Variants in CTNND2 observed in about 807,000 individuals in gnomAD.
CTNND2 encodes the protein catenin delta 2, also known as catenin delta-2.
In CTNND2, 22 loss-of-function variants were observed where a neutral mutation model predicts 144.4. The ratio of observed to expected loss-of-function variants is 0.15; its 90% confidence interval spans 0.11 to 0.22. The LOEUF (loss-of-function observed/expected upper bound fraction) is 0.22. CTNND2 is among the 10% of genes least tolerant of loss of function. The pLI is 1.00. For synonymous variants in CTNND2, 751 were observed against 695.6 expected, an observed-to-expected ratio of 1.08 and a Z score of -1.25; for missense variants, 1,353 against 1,618.8, an observed-to-expected ratio of 0.84 and a Z score of 2.82.
chr5:11,221,479 A>C (rs1428798662), intron 10 of CTNND2, among the ~76,000 whole-genome samples: 1 of 152,266 alleles, frequency 6.6e-6, no homozygotes, highest in Admixed American at 6.5e-5. Flanking sequence ...AAGAGTGATC[A>C]GAGGCTCAAA....
At chr5:11,091,355 T>C (rs1750751397) in intron 15 of CTNND2, among the ~76,000 whole-genome samples, 1 of 152,374 alleles carries the variant, frequency 6.6e-6, no homozygotes, top group East Asian at 1.9e-4. Flanking sequence ...TTTTATACAT[T>C]TTCCATGTGT....
chr5:11,232,352 T>C lies in CTNND2; in HGVS notation c.1761+4339A>G, dbSNP rs555062068. ...GCTGCAGACACTCAACATCAGACTG[T>C]GAAAGCAGCTGGGAGTGGGGCTGTA... is the stretch of plus-strand genomic sequence containing the variant. On this transcript the variant is annotated intron_variant, in intron 10 of 21. Transcript: ENST00000304623. Among the ~76,000 whole-genome samples, 5 of 152,198 alleles carry C rather than the reference T, an allele frequency of 3.3e-5. No individual in the cohort carries two copies. The East Asian group carries it at 7.7e-4, about 24-fold the overall frequency.
chr5:11,870,836 C>T (rs1186186173), intron 1 of CTNND2, among the ~76,000 whole-genome samples: 1 of 152,186 alleles, frequency 6.6e-6, no homozygotes, highest in Non-Finnish European at 1.5e-5. Context: ...TTATTACCTA[C>T]TGATAAGACA....
chr5:11,132,881 C>A (rs1352785377), intron 12 of CTNND2, among the ~76,000 whole-genome samples: 1 of 152,222 alleles, frequency 6.6e-6, no homozygotes, highest in Admixed American at 6.5e-5. Flanking sequence ...TCTCTGCTAA[C>A]TGCTATCTCA....
At chr5:11,182,036 TGGTGTGTGTGG>T (rs1322599409) in intron 11 of CTNND2, among the ~76,000 whole-genome samples, 26 of 122,960 alleles carry the variant, frequency 2.1e-4, no homozygotes, top group Non-Finnish European at 3.9e-4. Flanking sequence ...GATGTATGTG[TGGTGTGTGTGG>T]GGTGTGTGTG....
intron 9 of CTNND2, among the ~76,000 whole-genome samples, chr5:11,273,443 C>T (rs13158633): frequency 0.074 from 11,234 of 152,174 alleles, 574 homozygotes; most frequent in South Asian, 0.14. Flanking sequence ...AGAAGTGTCT[C>T]GCTGAAGAGC....
intron 2 of CTNND2, among the ~76,000 whole-genome samples, chr5:11,721,949 A>G (rs921019826): frequency 1.3e-5 from 2 of 152,218 alleles, no homozygotes; most frequent in Non-Finnish European, 2.9e-5. Flanking sequence ...GATGGGAGAC[A>G]TAGGAAATTG....
At chr5:11,445,268 A>C (rs1267290147) in intron 3 of CTNND2, among the ~76,000 whole-genome samples, 1 of 152,090 alleles carries the variant, frequency 6.6e-6, no homozygotes, top group Non-Finnish European at 1.5e-5. Flanking sequence ...CTGTGTGTCC[A>C]GGTGTCCAGA....
chr5:11,690,396 C>T (rs74608523), intron 2 of CTNND2, among the ~76,000 whole-genome samples: 1 of 152,094 alleles, frequency 6.6e-6, no homozygotes, highest in African/African-American at 2.4e-5. Context: ...AGTAACACAG[C>T]GAAGTGAAGC....
chr5:11,484,220 A>G (rs1768580336), intron 3 of CTNND2, among the ~76,000 whole-genome samples: 1 of 152,222 alleles, frequency 6.6e-6, no homozygotes, highest in African/African-American at 2.4e-5. Flanking sequence ...TCAACGATCT[A>G]GCCGAGTGTT....
intron 3 of CTNND2, among the ~76,000 whole-genome samples, chr5:11,465,979 C>T (rs1048995589): frequency 6.6e-6 from 1 of 152,108 alleles, no homozygotes; most frequent in Non-Finnish European, 1.5e-5. Context: ...AAACGAACTT[C>T]ATGAAATTTT....
rs75188032 is a variant in CTNND2, at chr5:11,152,431, T to C, written c.2159+7145A>G. Among the ~76,000 whole-genome samples, 56 of 152,356 alleles carry C rather than the reference T, an allele frequency of 3.7e-4. 1 individual carries two copies. The East Asian group carries it at 9.1e-3, about 25-fold the overall frequency. Reference sequence around the variant, plus strand: ...TAACCTAGGAGCAATAGACATATCATACAGCCTAGGCTGTGTCATAAGCTA... The same window carrying C: ...TAACCTAGGAGCAATAGACATATCACACAGCCTAGGCTGTGTCATAAGCTA... On this transcript the variant is annotated intron_variant, in intron 12 of 21. Coordinates refer to ENST00000304623, the MANE Select transcript of CTNND2 (RefSeq NM_001332.4).
At chr5:11,357,157 C>G (rs781426757) in intron 8 of CTNND2, among the ~76,000 whole-genome samples, 3 of 152,040 alleles carry the variant, frequency 2.0e-5, no homozygotes, top group Admixed American at 2.0e-4. Flanking sequence ...ACCATGTGAT[C>G]CAGCAATCTC....
intron 11 of CTNND2, among the ~76,000 whole-genome samples, chr5:11,183,619 G>T (rs867258767): frequency 6.6e-6 from 1 of 150,942 alleles, no homozygotes; most frequent in Middle Eastern, 3.4e-3. Flanking sequence ...GTGCAGTGGT[G>T]CAATCTCAGC....
intron 7 of CTNND2, among the ~76,000 whole-genome samples, chr5:11,378,197 C>T (rs1182260197): frequency 6.6e-6 from 1 of 152,136 alleles, no homozygotes. Flanking sequence ...GCCTGTACTC[C>T]CCAAGTGTGT....
chr5:11,653,256 TC>T (rs1782739885), intron 2 of CTNND2, among the ~76,000 whole-genome samples: 1 of 152,134 alleles, frequency 6.6e-6, no homozygotes, highest in Non-Finnish European at 1.5e-5. Flanking sequence ...TTTTTAATAG[TC>T]CCACATATAC....
Position 11,835,000 on chromosome 5 carries a change from A to G in CTNND2, c.37+68817T>C, listed in dbSNP as rs567548726. On this transcript the variant is annotated intron_variant, in intron 1 of 21. Transcript: ENST00000304623. Reference sequence around the variant, plus strand: ...CAAAAAATACAAAAATCAGCCAGGCATGCTGGCACGTGTCTGTAGTCCAGC... The same window carrying G: ...CAAAAAATACAAAAATCAGCCAGGCGTGCTGGCACGTGTCTGTAGTCCAGC... 4.1e-4 allele frequency among the ~76,000 whole-genome samples: 63 copies of G among 152,316 alleles called. No homozygotes were observed. In the East Asian group the frequency reaches 0.011, roughly 28 times the overall value.
intron 1 of CTNND2, among the ~76,000 whole-genome samples, chr5:11,801,978 A>G (rs916227022): frequency 2.6e-5 from 4 of 152,118 alleles, no homozygotes; most frequent in Non-Finnish European, 4.4e-5. Flanking sequence ...GTGTGTATCT[A>G]TTAAAAATCT....
intron 3 of CTNND2, among the ~76,000 whole-genome samples, chr5:11,560,960 G>T (rs537525730): frequency 3.3e-4 from 50 of 152,330 alleles, no homozygotes; most frequent in African/African-American, 1.2e-3. Flanking sequence ...TCTGAATGCT[G>T]TTATAAGGTT....
Sources: allele counts gnomAD v4.1 joint callset (sites outside exome capture counted in the v4.1 genomes callset), GRCh38; gene constraint gnomAD v4.1.1; transcripts MANE v1.5; gene names NCBI Gene and HGNC (gene_info 2026-07-23, HGNC 2026-07-21).